CREB1: variants seen among roughly 807,000 people sequenced by gnomAD.
CREB1 encodes cAMP responsive element binding protein 1, also known as cyclic AMP-responsive element-binding protein 1.
CREB1 carries 2 observed loss-of-function variants against 42.0 expected under a neutral mutation model. The observed-to-expected ratio is 0.05, with a 90% CI of 0.02 to 0.15. The LOEUF is 0.15. Ranked by LOEUF, CREB1 falls within the 10% of genes least tolerant of loss-of-function variation. The pLI is 1.00. For missense variants in CREB1, 199 were observed against 388.9 expected, an observed-to-expected ratio of 0.51 and a Z score of 4.11; for synonymous variants, 123 against 139.9, an observed-to-expected ratio of 0.88 and a Z score of 0.85.
intron 5 of CREB1, chr2:207,571,677 T>C (rs1180938778): frequency 1.8e-5 from 8 of 449,172 alleles, no homozygotes; most frequent in African/African-American, 1.2e-4. Context: ...CTTTTAGTTA[T>C]TCAAGATATG....
At chr2:207,584,376 T>C (rs760870510) in intron 7 of CREB1, among the ~76,000 whole-genome samples, 2 of 152,200 alleles carry the variant, frequency 1.3e-5, no homozygotes, top group African/African-American at 4.8e-5. Context: ...ATGGATATCT[T>C]ATGGTTTTAA....
chr2:207,560,477 AT>A, intron 3 of CREB1, 105 bp downstream of exon 3: 1 of 1,131,266 alleles, frequency 8.8e-7, no homozygotes, highest in South Asian at 1.6e-5. Context: ...AGTTCAGTTT[AT>A]TTTATTCACA....
intron 1 of CREB1, among the ~76,000 whole-genome samples, chr2:207,540,055 G>A (rs1456405186): frequency 1.3e-5 from 2 of 152,192 alleles, no homozygotes; most frequent in Non-Finnish European, 2.9e-5. Flanking sequence ...CCTTAGTGTA[G>A]ACAGAGATAT....
intron 3 of CREB1, among the ~76,000 whole-genome samples, chr2:207,564,422 TC>T (rs1195938447): frequency 2.0e-5 from 3 of 151,792 alleles, no homozygotes; most frequent in African/African-American, 7.3e-5. Flanking sequence ...GTCTGGAGGA[TC>T]CCTTGAGCCC....
chr2:207,570,281 G>A lies in CREB1; in HGVS notation c.465G>A (p.Thr155=), dbSNP rs201642429. 2.9e-5 allele frequency: 47 copies of A among 1,613,258 alleles called. No homozygotes were observed. In the East Asian group the frequency reaches 4.5e-4, roughly 15 times the overall value. ...ETSAPAITTV[T]VPTPIYQTSS... ...CAGCACCTGCCATCACCACTGTAAC[G>A]GTGCCAACTCCAATTTACCAAACTA... Residue 155 remains threonine, a synonymous_variant, in exon 5 of 8, where the codon ACG becomes ACA. Coordinates refer to ENST00000353267, the MANE Select transcript of CREB1 (RefSeq NM_004379.5).
At chr2:207,586,708 A>G (rs1290337428) in intron 7 of CREB1, among the ~76,000 whole-genome samples, 2 of 152,176 alleles carry the variant, frequency 1.3e-5, no homozygotes, top group Non-Finnish European at 2.9e-5. Flanking sequence ...CGAACAGGAA[A>G]ACAAACAAAA....
rs908719145 is a variant in CREB1, at chr2:207,604,211, G to C, written c.*7153G>C. Among the ~76,000 whole-genome samples, 1 of 152,184 alleles carries C rather than the reference G, an allele frequency of 6.6e-6. No individual in the cohort carries two copies. Among genetic ancestry groups the C allele is most frequent in the African/African-American group, 2.4e-5 (1 of 41,456 alleles). ...ATTTGACCAGGCACTGAAGTGACAA[G>C]ACCATCCTTGAGAAGTCACATCCAA... On this transcript the variant is annotated 3_prime_UTR_variant, in exon 8 of 8. Transcript: ENST00000353267.
chr2:207,600,743 C>T lies in CREB1; in HGVS notation c.*3685C>T, dbSNP rs897961884. ...ACAATACCAGTCAGGCAGCCTATCC[C>T]ATCAGATGTCATCTGGCTGAAGTTT... On this transcript the variant is annotated 3_prime_UTR_variant, in exon 8 of 8. Coordinates refer to ENST00000353267, the MANE Select transcript of CREB1 (RefSeq NM_004379.5). The T allele has an allele frequency of 4.8e-6, 1 of 210,404 alleles. No homozygotes were observed. Among genetic ancestry groups the T allele is most frequent in the Non-Finnish European group, 9.6e-6 (1 of 103,730 alleles). 13.0% of individuals were successfully genotyped at this position (210,404 alleles called of 1,614,324 possible).
intron 7 of CREB1, among the ~76,000 whole-genome samples, chr2:207,594,831 C>G (rs2085788726): frequency 6.6e-6 from 1 of 152,080 alleles, no homozygotes; most frequent in Admixed American, 6.5e-5. Context: ...TTTTACATTC[C>G]TACCAACAGT....
At chr2:207,548,150 C>T (rs1013926676) in intron 1 of CREB1, among the ~76,000 whole-genome samples, 1 of 152,002 alleles carries the variant, frequency 6.6e-6, no homozygotes, top group Non-Finnish European at 1.5e-5. Flanking sequence ...CCAGGCAGAT[C>T]GCAAACTGCC....
chr2:207,535,461 T>C (rs2106339402), intron 1 of CREB1, among the ~76,000 whole-genome samples: 1 of 152,308 alleles, frequency 6.6e-6, no homozygotes, highest in Admixed American at 6.5e-5. Context: ...TGGGATATTA[T>C]TACCCAGTAA....
At chr2:207,545,063 C>T (rs756346026) in intron 1 of CREB1, among the ~76,000 whole-genome samples, 1 of 152,088 alleles carries the variant, frequency 6.6e-6, no homozygotes, top group Non-Finnish European at 1.5e-5. Flanking sequence ...GATTTATATT[C>T]CTTTGGGTAT....
At chr2:207,559,435 T>C (rs2081869662) in intron 2 of CREB1, among the ~76,000 whole-genome samples, 1 of 152,224 alleles carries the variant, frequency 6.6e-6, no homozygotes, top group South Asian at 2.1e-4. Flanking sequence ...TTCGCATACA[T>C]ACCCCCAATA....
chr2:207,586,340 A>G (rs920684235), intron 7 of CREB1, among the ~76,000 whole-genome samples: 6 of 152,186 alleles, frequency 3.9e-5, no homozygotes, highest in African/African-American at 9.6e-5. Flanking sequence ...TCTTCAATCA[A>G]TGGTATTGGG....
rs2081572700 is a variant in CREB1 at position 207,552,966 on chromosome 2, CATTTGTTT to C, written c.-8-2657_-8-2650del. On this transcript the variant is annotated intron_variant, in intron 1 of 7. Coordinates refer to ENST00000353267, the MANE Select transcript of CREB1 (RefSeq NM_004379.5). ...ACTCATTACTGTCATTGAGTGTATT[CATTTGTTT>C]ATTTTATTTTATTGTTATTGAAACT... Among the ~76,000 whole-genome samples, 4 of 150,660 alleles carry C rather than the reference CATTTGTTT, an allele frequency of 2.7e-5. No homozygotes were observed. The South Asian group carries it at 8.4e-4, about 32-fold the overall frequency.
chr2:207,599,609 C>G lies in CREB1; in HGVS notation c.*2551C>G, dbSNP rs560358925. Reference sequence around the variant, plus strand: ...TTAATGATGAGGTGAGAAATGTATCCTGTTGCTAAATCTGTCTTAGACCCT... The same window carrying G: ...TTAATGATGAGGTGAGAAATGTATCGTGTTGCTAAATCTGTCTTAGACCCT... On this transcript the variant is annotated 3_prime_UTR_variant, in exon 8 of 8. Transcript: ENST00000353267. 1.0e-5 allele frequency: 2 copies of G among 199,508 alleles called. No homozygotes were observed. Among genetic ancestry groups the G allele is most frequent in the Admixed American group, 6.0e-5 (1 of 16,582 alleles). 12.4% of individuals were successfully genotyped at this position (199,508 alleles called of 1,614,324 possible).
At chr2:207,547,539 T>C (rs919737522) in intron 1 of CREB1, among the ~76,000 whole-genome samples, 1 of 152,196 alleles carries the variant, frequency 6.6e-6, no homozygotes, top group Admixed American at 6.5e-5. Flanking sequence ...TAACACTTCA[T>C]GTATAGAGGT....
At position 207,533,775 on chromosome 2, in the gene CREB1, A is replaced by T. The variant is rs538961733; in HGVS notation, c.-9+3641A>T. On this transcript the variant is annotated intron_variant, in intron 1 of 7. Transcript: ENST00000353267. ...ATCACTTGAGACAGCAGTTTATGGT[A>T]ATTCAAATATTTATTTGGCACTCAC... Among the ~76,000 whole-genome samples, 33 of 152,254 alleles carry T rather than the reference A, an allele frequency of 2.2e-4. 1 individual carries two copies. The highest frequency in any genetic ancestry group is 4.0e-4 in the Non-Finnish European group (27 of 68,024).
rs1189044851 is a variant in CREB1 at position 207,602,504 on chromosome 2, A to G, written c.*5446A>G. The G allele has an allele frequency of 4.8e-6, 1 of 206,810 alleles. No individual in the cohort carries two copies. The highest frequency in any genetic ancestry group is 2.3e-5 in the African/African-American group (1 of 43,844). 12.8% of individuals were successfully genotyped at this position (206,810 alleles called of 1,614,324 possible). ...CCTAACATTACTTGCCTATAGAAGT[A>G]TGGCATTTCCAAGCTTTTGTCTGAG... On this transcript the variant is annotated 3_prime_UTR_variant, in exon 8 of 8. Coordinates refer to ENST00000353267, the MANE Select transcript of CREB1 (RefSeq NM_004379.5).
Sources: gnomAD v4.1 joint callset for allele counts (sites outside exome capture counted in the v4.1 genomes callset) on GRCh38, gnomAD v4.1.1 for gene constraint, MANE v1.5 for transcripts, NCBI Gene and HGNC (gene_info 2026-07-23, HGNC 2026-07-21) for gene names.